ITM2A: variants seen among roughly 807,000 people sequenced by gnomAD.
ITM2A encodes BRICHOS domain containing 2A.
Under a neutral mutation model 16.6 loss-of-function variants are expected in ITM2A, and 11 were observed. The observed-to-expected ratio is 0.66, with a 90% CI of 0.42 to 1.10. The LOEUF (loss-of-function observed/expected upper bound fraction) is 1.10. Among genes scored for constraint, ITM2A ranks in the 50% least tolerant of loss-of-function variants. The pLI is 0.00. For missense variants in ITM2A, 243 were observed against 206.8 expected, an observed-to-expected ratio of 1.17 and a Z score of -1.07; for synonymous variants, 102 against 71.2, an observed-to-expected ratio of 1.43 and a Z score of -2.18.
At chrX:79,362,051 G>C (rs1313022612) in intron 4 of ITM2A, among the ~76,000 whole-genome samples, 1 of 110,955 alleles carries the variant, frequency 9.0e-6, no homozygotes, top group Admixed American at 9.6e-5. Flanking sequence ...CATACACCCA[G>C]TAATGCGATT....
At chrX:79,366,592 T>A (rs747895836) in intron 1 of ITM2A, among the ~76,000 whole-genome samples, 1 of 111,515 alleles carries the variant, frequency 9.0e-6, no homozygotes, top group South Asian at 3.8e-4. Flanking sequence ...AAGTGCCCTT[T>A]GCTGCTCACC....
In ITM2A at chrX:79,361,014, C is replaced by A; in HGVS notation, c.*75G>T. Reference sequence around the variant, plus strand: ...TGCATGAGTAAATATCTTGAGTATCCCATAAACCTTAATGTTAAAGTCATA... The same window carrying A: ...TGCATGAGTAAATATCTTGAGTATCACATAAACCTTAATGTTAAAGTCATA... On this transcript the variant is annotated 3_prime_UTR_variant, in exon 6 of 6. Coordinates refer to ENST00000373298, the MANE Select transcript of ITM2A (RefSeq NM_004867.5). 2 of 560,276 alleles carry A rather than the reference C, an allele frequency of 3.6e-6. No individual in the cohort carries two copies. Among genetic ancestry groups the A allele is most frequent in the Non-Finnish European group, 5.8e-6 (2 of 345,164 alleles). 46.2% of individuals were successfully genotyped at this position (560,276 alleles called of 1,213,427 possible). A position where few individuals can be genotyped will look rare whatever the true frequency, so the allele number is the denominator to read the frequency against.
At position 79,364,631 on chromosome X, in the gene ITM2A, G is replaced by T. The variant is rs754172528; in HGVS notation, c.112-1077C>A. Among the ~76,000 whole-genome samples, 12 of 111,895 alleles carry T rather than the reference G, an allele frequency of 1.1e-4. No homozygotes were observed. The South Asian group carries it at 4.4e-3, about 41-fold the overall frequency. ...ATTAAAGAGTAAATCATTCAAACGT[G>T]TATATAAATCGAATTGTTTTAGTCT... On this transcript the variant is annotated intron_variant, in intron 1 of 5. Coordinates refer to ENST00000373298, the MANE Select transcript of ITM2A (RefSeq NM_004867.5).
chrX:79,361,285 A>T, intron 5 of ITM2A, 44 bp downstream of exon 5: 1 of 1,142,498 alleles, frequency 8.8e-7, no homozygotes, highest in Non-Finnish European at 1.2e-6. Flanking sequence ...ACTTTCTTCC[A>T]CTGTGTAACA....
At position 79,362,641 on chromosome X, in the gene ITM2A, G is replaced by A. The variant is rs779425778; in HGVS notation, c.492C>T (p.Pro164=). The change falls in exon 4 of 6, where the codon CCC becomes CCT. Residue 164 remains proline, a synonymous_variant. Coordinates refer to ENST00000373298, the MANE Select transcript of ITM2A (RefSeq NM_004867.5). ...DLLLGNCYLM[P]LNTSIVMPPK... is the part of the protein sequence containing the mutation. ...GAGGCATAACAATAGAAGTATTGAG[G>A]GGCATCAGATAGCAGTTCCCCAGCA... 8.3e-7 allele frequency: 1 copy of A among 1,207,674 alleles called. No homozygotes were observed. The highest frequency in any genetic ancestry group is 1.1e-6 in the Non-Finnish European group (1 of 893,103).
chrX:79,362,371 G>T (rs1410138693), intron 4 of ITM2A, among the ~76,000 whole-genome samples: 1 of 111,465 alleles, frequency 9.0e-6, no homozygotes, highest in Non-Finnish European at 1.9e-5. Flanking sequence ...AATTCTTAAG[G>T]ACACTATTTA....
chrX:79,367,184 G>C lies in ITM2A; in HGVS notation c.32C>G (p.Ala11Gly). The stretch of plus-strand genomic sequence containing the variant: ...TTGCCGCGCCTCCTCCTTTTGCACG[G>C]CGGTAGGGGTATTGAAGGCGATTTT... MVKIAFNTPTAVQKEEARQDV... is the reference protein window; with the variant it reads MVKIAFNTPTGVQKEEARQDV... The change falls in exon 1 of 6, where the codon GCC becomes GGC. Residue 11 changes from alanine (A) to glycine (G), a missense_variant. Transcript: ENST00000373298. 4 of 1,208,943 alleles carry C rather than the reference G, an allele frequency of 3.3e-6. No individual in the cohort carries two copies. Among genetic ancestry groups the C allele is most frequent in the Non-Finnish European group, 4.5e-6 (4 of 893,901 alleles).
intron 1 of ITM2A, among the ~76,000 whole-genome samples, chrX:79,363,777 A>C (rs901334912): frequency 8.9e-6 from 1 of 112,002 alleles, no homozygotes; most frequent in African/African-American, 3.2e-5. Flanking sequence ...TCTAAACCCA[A>C]ATATCGATAT....
Position 79,363,782 on chromosome X carries a change from C to CAAACCAAA in ITM2A, c.112-229_112-228insTTTGGTTT, listed in dbSNP as rs1925500085. On this transcript the variant is annotated intron_variant, in intron 1 of 5. Transcript: ENST00000373298. ...ATTTGGCATTTCTAAACCCAAATAT[C>CAAACCAAA]GATATGAAATTATTTCAAAATACAT... Among the ~76,000 whole-genome samples, 3 of 111,503 alleles carry CAAACCAAA rather than the reference C, an allele frequency of 2.7e-5. No homozygotes were observed. In the East Asian group the frequency reaches 8.3e-4, roughly 31 times the overall value.
Position 79,361,360 on chromosome X carries a change from G to A in ITM2A, c.672C>T (p.Ser224=), listed in dbSNP as rs927038604. Reference sequence around the variant, plus strand: ...AGAGGTCTCTGCGACGAAGGCGGAAGGACTTTCTGTTATTGCAAAGTTGGT... The same window carrying A: ...AGAGGTCTCTGCGACGAAGGCGGAAAGACTTTCTGTTATTGCAAAGTTGGT... ...FIYQLCNNRK[S]FRLRRRDLLL... Residue 224 remains serine, a synonymous_variant, in exon 5 of 6, where the codon TCC becomes TCT. Transcript: ENST00000373298. 3 of 1,208,034 alleles carry A rather than the reference G, an allele frequency of 2.5e-6. No homozygotes were observed. The highest frequency in any genetic ancestry group is 3.4e-6 in the Non-Finnish European group (3 of 893,606).
chrX:79,366,122 A>G (rs1160211531), intron 1 of ITM2A, among the ~76,000 whole-genome samples: 1 of 111,594 alleles, frequency 9.0e-6, no homozygotes, highest in Non-Finnish European at 1.9e-5. Context: ...TAAAATTGAG[A>G]TTATACTGAG....
chrX:79,362,548 C>A, intron 4 of ITM2A, 33 bp downstream of exon 4: 1 of 769,588 alleles, frequency 1.3e-6, no homozygotes, highest in South Asian at 2.7e-5. Context: ...CTTGGAAATG[C>A]TTATATAAAA....
In ITM2A at chrX:79,361,049, T is replaced by G. The variant is rs1802166; in HGVS notation, c.*40A>C. The G allele has an allele frequency of 2.2e-3, 1,778 of 823,238 alleles. 32 individuals carry two copies. The highest frequency in any genetic ancestry group is 5.1e-3 in the Middle Eastern group (18 of 3,536). 67.8% of individuals were successfully genotyped at this position (823,238 alleles called of 1,213,427 possible). A position where few individuals can be genotyped will look rare whatever the true frequency, so the allele number is the denominator to read the frequency against. On this transcript the variant is annotated 3_prime_UTR_variant, in exon 6 of 6. Transcript: ENST00000373298. Reference sequence around the variant, plus strand: ...TAATGTTAAAGTCATATTGTAAATCTCTGACTTCTTATTACCAAGGACACT... The same window carrying G: ...TAATGTTAAAGTCATATTGTAAATCGCTGACTTCTTATTACCAAGGACACT...
chrX:79,364,062 T>C (rs771649938), intron 1 of ITM2A, among the ~76,000 whole-genome samples: 1 of 111,795 alleles, frequency 8.9e-6, no homozygotes, highest in Non-Finnish European at 1.9e-5. Context: ...TCATTATTTT[T>C]TCCAAATCAG....
chrX:79,363,134 G>C lies in ITM2A; in HGVS notation c.249C>G (p.Thr83=), dbSNP rs752631392. Residue 83 remains threonine, a synonymous_variant, in exon 3 of 6, where the codon ACC becomes ACG. Transcript: ENST00000373298. The stretch of plus-strand genomic sequence containing the variant: ...AAAAGCACATCTCTCCACGGTAAAT[G>C]GTGCTCTAAAAGACAAAAAGGGAAA... ...CIYKYFMPKS[T]IYRGEMCFFD... 8.3e-7 allele frequency: 1 copy of C among 1,200,637 alleles called. No individual in the cohort carries two copies. Among genetic ancestry groups the C allele is most frequent in the South Asian group, 1.8e-5 (1 of 55,630 alleles).
rs1353230500 is a variant in ITM2A at position 79,363,047 on chromosome X, A to C, written c.336T>G (p.Thr112=). ...RGGEPNFLPV[T]EEADIREDDN... ...CATCCTCACGAATGTCAGCCTCCTC[A>C]GTCACAGGCAGGAAGTTAGGCTCTC... The change falls in exon 3 of 6, where the codon ACT becomes ACG. Residue 112 remains threonine (T), a synonymous_variant. Transcript: ENST00000373298. The C allele has an allele frequency of 8.3e-7, 1 of 1,203,613 alleles. No individual in the cohort carries two copies. Among genetic ancestry groups the C allele is most frequent in the Non-Finnish European group, 1.1e-6 (1 of 889,900 alleles).
intron 4 of ITM2A, 78 bp from the exon 5 acceptor site, chrX:79,361,557 G>T: frequency 2.4e-6 from 2 of 842,530 alleles, no homozygotes; most frequent in Non-Finnish European, 3.4e-6. Context: ...AAAAGTGCAA[G>T]TTTGTTACTT....
At chrX:79,364,599 C>T (rs1353623927) in intron 1 of ITM2A, among the ~76,000 whole-genome samples, 1 of 111,517 alleles carries the variant, frequency 9.0e-6, no homozygotes, top group Admixed American at 9.5e-5. Flanking sequence ...AAATCTAGGC[C>T]CTGATCATTA....
chrX:79,365,357 A>G (rs1318613646), intron 1 of ITM2A, among the ~76,000 whole-genome samples: 1 of 111,496 alleles, frequency 9.0e-6, no homozygotes, highest in Non-Finnish European at 1.9e-5. Context: ...CAATTACCAT[A>G]GCTAATTTCT....
Sources: gnomAD v4.1 joint callset for allele counts (sites outside exome capture counted in the v4.1 genomes callset) on GRCh38, gnomAD v4.1.1 for gene constraint, MANE v1.5 for transcripts, NCBI Gene and HGNC (gene_info 2026-07-23, HGNC 2026-07-21) for gene names.